The following VSTM1 variants were observed in gnomAD, a reference collection of about 807,000 sequenced individuals.
The protein encoded by VSTM1 is V-set and transmembrane domain-containing protein 1.
VSTM1 carries 27 observed loss-of-function variants against 33.1 expected under a neutral mutation model. The ratio of observed to expected loss-of-function variants is 0.82; its 90% confidence interval spans 0.60 to 1.12. The LOEUF is 1.12. Among genes scored for constraint, VSTM1 ranks in the 50% most tolerant of loss-of-function variants. VSTM1 has a pLI of 0.00. For missense variants in VSTM1, 304 were observed against 288.9 expected, an observed-to-expected ratio of 1.05 and a Z score of -0.38; for synonymous variants, 115 against 110.3, an observed-to-expected ratio of 1.04 and a Z score of -0.27.
chr19:54,050,641 C>T (rs542043692), intron 4 of VSTM1, among the ~76,000 whole-genome samples: 1 of 152,104 alleles, frequency 6.6e-6, no homozygotes, highest in African/African-American at 2.4e-5. Context: ...CCTCCACCCC[C>T]CAAAACACAG....
At chr19:54,051,055 A>C (rs2070814375) in intron 4 of VSTM1, among the ~76,000 whole-genome samples, 1 of 151,568 alleles carries the variant, frequency 6.6e-6, no homozygotes, top group South Asian at 2.1e-4. Flanking sequence ...GCACTTTGGG[A>C]GGCTGAGGCG....
chr19:54,058,342 A>T lies in VSTM1; in HGVS notation c.319T>A (p.Ser107Thr). Residue 107 changes from serine to threonine, a missense_variant, in exon 3 of 9, where the codon TCA (serine) becomes ACA (threonine). Transcript: ENST00000338372. Reference protein sequence around the residue: ...AYKTTASHEWSESSEHLQLVV... With the variant: ...AYKTTASHEWTESSEHLQLVV... ...AGCTGCAAGTGTTCACTGCTTTCTGACCACTCATGGGAGGCTGTTGTCTTG... is the reference window on the plus strand; with the variant it reads ...AGCTGCAAGTGTTCACTGCTTTCTGTCCACTCATGGGAGGCTGTTGTCTTG... 1 of 1,613,954 alleles carries T rather than the reference A, an allele frequency of 6.2e-7. No homozygotes were observed. The highest frequency in any genetic ancestry group is 2.2e-5 in the East Asian group (1 of 44,884).
At chr19:54,043,497 C>T (rs974358056) in intron 4 of VSTM1, among the ~76,000 whole-genome samples, 16 of 152,034 alleles carry the variant, frequency 1.1e-4, no homozygotes, top group Non-Finnish European at 1.5e-4. Context: ...CTGCAAGCTC[C>T]GCCTCCCGGG....
chr19:54,061,024 T>G (rs1355531871), intron 1 of VSTM1, among the ~76,000 whole-genome samples: 3 of 146,644 alleles, frequency 2.0e-5, no homozygotes, highest in African/African-American at 7.5e-5. Flanking sequence ...TTCTTTTTTT[T>G]TTTTTTTTTT....
At chr19:54,049,991 A>ATTTTT (rs11297678) in intron 4 of VSTM1, among the ~76,000 whole-genome samples, 28 of 99,114 alleles carry the variant, frequency 2.8e-4, no homozygotes, top group African/African-American at 3.8e-4. Flanking sequence ...TAACTTTTTA[A>ATTTTT]TTTTTTTTTT....
intron 3 of VSTM1, among the ~76,000 whole-genome samples, chr19:54,056,214 C>CTTTTTTTTTTTTTTTTTTTTTTT (rs869203085): frequency 4.8e-4 from 19 of 39,180 alleles, no homozygotes; most frequent in South Asian, 1.0e-3. Context: ...CTTTTCTTTT[C>CTTTTTTTTTTTTTTTTTTTTTTT]TTTTTTTTTT....
In VSTM1 at chr19:54,045,261, CCTAT is replaced by C. The variant is rs1219927356; in HGVS notation, c.395-2896_395-2893del. Among the ~76,000 whole-genome samples the C allele has an allele frequency of 2.6e-5, 4 of 152,226 alleles. No homozygotes were observed. In the South Asian group the frequency reaches 6.2e-4, roughly 24 times the overall value. On this transcript the variant is annotated intron_variant, in intron 4 of 8. Transcript: ENST00000338372. ...TGTCTAGGTATCTATTATCTATCTA[CCTAT>C]CTATCTTTATCTGTCTCTGTACCTA...
At chr19:54,043,574 G>T (rs779028140) in intron 4 of VSTM1, among the ~76,000 whole-genome samples, 3 of 152,086 alleles carry the variant, frequency 2.0e-5, no homozygotes, top group Non-Finnish European at 4.4e-5. Flanking sequence ...ATCACGCCCG[G>T]CTAATTTTTG....
At chr19:54,059,880 C>G (rs1364069656) in intron 1 of VSTM1, among the ~76,000 whole-genome samples, 1 of 150,174 alleles carries the variant, frequency 6.7e-6, no homozygotes, top group Non-Finnish European at 1.5e-5. Context: ...TGGAGTCTCG[C>G]TCTGTCACCC....
At chr19:54,047,437 C>T (rs988077661) in intron 4 of VSTM1, among the ~76,000 whole-genome samples, 2 of 151,990 alleles carry the variant, frequency 1.3e-5, no homozygotes, top group East Asian at 1.9e-4. Flanking sequence ...GGATTACAAG[C>T]ACCCGCCACC....
intron 1 of VSTM1, among the ~76,000 whole-genome samples, chr19:54,062,617 G>A (rs536000109): frequency 1.3e-5 from 2 of 151,752 alleles, no homozygotes; most frequent in Non-Finnish European, 2.9e-5. Flanking sequence ...CCAGCTTCTC[G>A]GGAGGCGGAG....
In VSTM1 at chr19:54,058,538, G is replaced by A. The variant is rs11669427; in HGVS notation, c.123C>T (p.Ala41=). ...LHAWPSSVVE[A]ESNVTLKCQA... ...GACACTTCAGGGTCACATTGCTCTC[G>A]GCTTCAACCACCGAGCTGGGCCAGG... Residue 41 remains alanine, a synonymous_variant, in exon 3 of 9, where the codon GCC becomes GCT. Transcript: ENST00000338372. The A allele has an allele frequency of 0.23, 368,533 of 1,613,630 alleles. 43,699 individuals carry two copies. Among genetic ancestry groups the A allele is most frequent in the Non-Finnish European group, 0.24 (283,695 of 1,179,892 alleles).
intron 3 of VSTM1, among the ~76,000 whole-genome samples, chr19:54,057,512 C>CAA (rs201220644): frequency 7.8e-5 from 10 of 128,770 alleles, no homozygotes; most frequent in African/African-American, 2.7e-4. Flanking sequence ...GAGATTCTGT[C>CAA]AAAAAAAAAA....
chr19:54,042,841 T>TATAA (rs1555752724), intron 4 of VSTM1, among the ~76,000 whole-genome samples: 3 of 96,392 alleles, frequency 3.1e-5, no homozygotes, highest in Non-Finnish European at 6.6e-5. Flanking sequence ...TATATATACA[T>TATAA]ATATATATAT....
chr19:54,056,864 T>C (rs1416967136), intron 3 of VSTM1, among the ~76,000 whole-genome samples: 1 of 140,740 alleles, frequency 7.1e-6, no homozygotes, highest in Non-Finnish European at 1.6e-5. Context: ...TTCTTCTTTT[T>C]TTTTTTTAGA....
chr19:54,060,118 C>T (rs1364892992), intron 1 of VSTM1, among the ~76,000 whole-genome samples: 1 of 152,084 alleles, frequency 6.6e-6, no homozygotes, highest in East Asian at 1.9e-4. Flanking sequence ...TCCCAAAGTG[C>T]TGGGATTACA....
At chr19:54,042,076 TG>T in intron 6 of VSTM1, 92 bp downstream of exon 6, 1 of 1,605,636 alleles carries the variant, frequency 6.2e-7, no homozygotes, top group Non-Finnish European at 8.5e-7. Flanking sequence ...TGGGCTGGGG[TG>T]GGGGCTCAGG....
chr19:54,061,805 C>A (rs1253273885), intron 1 of VSTM1, among the ~76,000 whole-genome samples: 3 of 151,656 alleles, frequency 2.0e-5, no homozygotes, highest in Admixed American at 6.6e-5. Flanking sequence ...CTGAGTGAGA[C>A]CCTGTCTAAA....
rs2071351697 is a variant in VSTM1 at position 54,060,719 on chromosome 19, C to T, written c.35-1987G>A. 2.0e-5 allele frequency among the ~76,000 whole-genome samples: 3 copies of T among 152,282 alleles called. 1 individual carries two copies. In the South Asian group the frequency reaches 6.2e-4, roughly 32 times the overall value. On this transcript the variant is annotated intron_variant, in intron 1 of 8. Transcript: ENST00000338372. Reference sequence around the variant, plus strand: ...TTCTTTTTTCTTTTTGAGACAGGGTCTCACTCTGTGGCCCAGGCTGGAGTG... The same window carrying T: ...TTCTTTTTTCTTTTTGAGACAGGGTTTCACTCTGTGGCCCAGGCTGGAGTG...
Sources: allele counts gnomAD v4.1 joint callset (sites outside exome capture counted in the v4.1 genomes callset), GRCh38; gene constraint gnomAD v4.1.1; transcripts MANE v1.5; gene names NCBI Gene and HGNC (gene_info 2026-07-23, HGNC 2026-07-21).